The following PPFIBP2 variants were observed in gnomAD, a reference collection of about 807,000 sequenced individuals.
PPFIBP2 encodes the protein PPFIB scaffold protein 2, also known as liprin-beta-2.
Under a neutral mutation model 118.3 loss-of-function variants are expected in PPFIBP2, and 118 were observed. That is an observed-to-expected ratio of 1.00 (90% CI 0.86 to 1.16). PPFIBP2 has a LOEUF of 1.16. Among genes scored for constraint, PPFIBP2 ranks in the 50% most tolerant of loss-of-function variants. The probability of loss-of-function intolerance (pLI) is 0.00; values close to 1 mark genes in which losing one functional copy is unlikely to be tolerated. For synonymous variants in PPFIBP2, 414 were observed against 397.4 expected, an observed-to-expected ratio of 1.04 and a Z score of -0.50; for missense variants, 1,195 against 1,073.1, an observed-to-expected ratio of 1.11 and a Z score of -1.59.
intron 1 of PPFIBP2, among the ~76,000 whole-genome samples, chr11:7,518,108 A>G (rs1367119563): frequency 6.6e-6 from 1 of 152,202 alleles, no homozygotes; most frequent in Non-Finnish European, 1.5e-5. Context: ...CAGGCATTTG[A>G]AACTCTGCCT....
chr11:7,590,723 A>AT (rs1265570551), intron 3 of PPFIBP2, among the ~76,000 whole-genome samples: 1 of 152,218 alleles, frequency 6.6e-6, no homozygotes, highest in African/African-American at 2.4e-5. Context: ...CCTGGACCAT[A>AT]TTATATTAGT....
intron 7 of PPFIBP2, among the ~76,000 whole-genome samples, chr11:7,625,464 C>T (rs878937167): frequency 6.6e-6 from 1 of 152,250 alleles, no homozygotes; most frequent in Admixed American, 6.5e-5. Context: ...TCCCATTGCA[C>T]ACAATCCCAG....
rs1217219578 is a variant in PPFIBP2 at position 7,652,384 on chromosome 11, G to T, written c.2436+540G>T. Among the ~76,000 whole-genome samples the T allele has an allele frequency of 2.6e-5, 4 of 152,356 alleles. No homozygotes were observed. The South Asian group carries it at 8.3e-4, about 32-fold the overall frequency. ...GAATCCCACAAAGCCCTTTAGACCTGCCTGAGCCACAGCATCCTCAGACCA... is the reference window on the plus strand; with the variant it reads ...GAATCCCACAAAGCCCTTTAGACCTTCCTGAGCCACAGCATCCTCAGACCA... On this transcript the variant is annotated intron_variant, in intron 23 of 23. Coordinates refer to ENST00000299492, the MANE Select transcript of PPFIBP2 (RefSeq NM_003621.5).
chr11:7,657,034 G>C (rs146352518), downstream of PPFIBP2: 126 of 337,330 alleles, frequency 3.7e-4, 1 homozygote, highest in African/African-American at 2.6e-3. Context: ...CATACCTTTT[G>C]TACTTTTATA....
chr11:7,529,500 C>A (rs7113264), intron 1 of PPFIBP2, among the ~76,000 whole-genome samples: 67,220 of 151,890 alleles, frequency 0.44, 15,386 homozygotes, highest in African/African-American at 0.54. Context: ...GATACCAGTA[C>A]GGCTCAGCCA....
At chr11:7,551,467 GATTT>G (rs113979514) in intron 2 of PPFIBP2, among the ~76,000 whole-genome samples, 2,033 of 152,206 alleles carry the variant, frequency 0.013, 42 homozygotes, top group African/African-American at 0.047. Context: ...CTGTTTCATG[GATTT>G]ATTTTTTCTT....
intron 5 of PPFIBP2, chr11:7,606,007 G>A (rs1308604663): frequency 3.3e-6 from 5 of 1,535,000 alleles, no homozygotes; most frequent in Non-Finnish European, 4.4e-6. Flanking sequence ...GAGACGGAGT[G>A]CGCCTAAAGT....
In PPFIBP2 at chr11:7,605,860, G is replaced by T. The variant is rs989781607; in HGVS notation, c.487-4431G>T. 2.8e-6 allele frequency: 4 copies of T among 1,451,624 alleles called. No individual in the cohort carries two copies. In the African/African-American group the frequency reaches 5.7e-5, roughly 21 times the overall value. 89.9% of individuals were successfully genotyped at this position (1,451,624 alleles called of 1,614,324 possible). A position where few individuals can be genotyped will look rare whatever the true frequency, so the allele number is the denominator to read the frequency against. ...GCAAACACATTCTGGATACACGTGAGATCCAAGTGGTGACTGTGCTACTGA... is the reference window on the plus strand; with the variant it reads ...GCAAACACATTCTGGATACACGTGATATCCAAGTGGTGACTGTGCTACTGA... On this transcript the variant is annotated intron_variant, in intron 5 of 23. Transcript: ENST00000299492.
intron 5 of PPFIBP2, among the ~76,000 whole-genome samples, chr11:7,598,789 A>T (rs1408817622): frequency 6.8e-6 from 1 of 147,602 alleles, no homozygotes; most frequent in Non-Finnish European, 1.5e-5. Context: ...GTTTCTTGAC[A>T]GCATACTGGT....
intron 14 of PPFIBP2, 47 bp from the exon 15 acceptor site, chr11:7,639,685 G>C: frequency 6.2e-7 from 1 of 1,611,514 alleles, no homozygotes; most frequent in Non-Finnish European, 8.5e-7. Context: ...CCTAACTGAG[G>C]CTGACAGTTA....
Position 7,526,624 on chromosome 11 carries a change from C to T in PPFIBP2, c.-37+12503C>T, listed in dbSNP as rs551073335. 1.1e-4 allele frequency among the ~76,000 whole-genome samples: 16 copies of T among 152,246 alleles called. No individual in the cohort carries two copies. The East Asian group carries it at 2.9e-3, about 28-fold the overall frequency. ...CGGTGGCTCACGCCTGTAATCCCAG[C>T]ACTTTGGGAGGCCGAGGGTGGGCAG... On this transcript the variant is annotated intron_variant, in intron 1 of 23. Coordinates refer to ENST00000299492, the MANE Select transcript of PPFIBP2 (RefSeq NM_003621.5).
At chr11:7,613,971 T>C (rs145796440) in intron 6 of PPFIBP2, among the ~76,000 whole-genome samples, 470 of 152,340 alleles carry the variant, frequency 3.1e-3, no homozygotes, top group Middle Eastern at 6.8e-3. Flanking sequence ...CAAGTGATGA[T>C]GCCATCATTT....
intron 2 of PPFIBP2, among the ~76,000 whole-genome samples, chr11:7,560,602 T>C (rs1315296213): frequency 2.0e-5 from 3 of 152,236 alleles, no homozygotes; most frequent in Non-Finnish European, 4.4e-5. Context: ...CTGAGATTAT[T>C]CTTATATATT....
At chr11:7,520,832 A>T (rs775610671) in intron 1 of PPFIBP2, among the ~76,000 whole-genome samples, 10 of 152,142 alleles carry the variant, frequency 6.6e-5, no homozygotes, top group Non-Finnish European at 1.5e-4. Context: ...CCAATGCTTG[A>T]TGGCACCTAT....
intron 6 of PPFIBP2, 125 bp from the exon 7 acceptor site, chr11:7,620,810 A>T: frequency 1.4e-6 from 1 of 713,216 alleles, no homozygotes; most frequent in Non-Finnish European, 2.5e-6. Flanking sequence ...GTGTTTAAAG[A>T]TTAAAGCTGT....
chr11:7,653,512 A>G lies in PPFIBP2; in HGVS notation c.*294A>G. The G allele has an allele frequency of 7.3e-7, 1 of 1,371,838 alleles. No individual in the cohort carries two copies. 85.0% of individuals were successfully genotyped at this position (1,371,838 alleles called of 1,614,324 possible). ...GATGTTCATCTTCAGCACCAGTGGA[A>G]ACACATGAACTTCGATGCAGGTCCA... On this transcript the variant is annotated 3_prime_UTR_variant, in exon 24 of 24. Transcript: ENST00000299492.
chr11:7,622,700 C>G (rs527530374), intron 7 of PPFIBP2, among the ~76,000 whole-genome samples: 15 of 152,232 alleles, frequency 9.9e-5, no homozygotes, highest in African/African-American at 3.4e-4. Flanking sequence ...GTGTCCTGGC[C>G]TGTGTGTATC....
chr11:7,576,031 C>T (rs554518523), intron 3 of PPFIBP2, among the ~76,000 whole-genome samples: 5 of 152,362 alleles, frequency 3.3e-5, no homozygotes, highest in South Asian at 2.1e-4. Context: ...CCCAGCCTGC[C>T]GGGGACTGTG....
At chr11:7,610,262 C>G (rs1249804770) in intron 5 of PPFIBP2, 29 bp from the exon 6 acceptor site, 1 of 1,609,442 alleles carries the variant, frequency 6.2e-7, no homozygotes, top group Non-Finnish European at 8.5e-7. Context: ...ATAGTGGTTT[C>G]TGATTTCGAG....
Sources: gnomAD v4.1 joint callset for allele counts (sites outside exome capture counted in the v4.1 genomes callset) on GRCh38, gnomAD v4.1.1 for gene constraint, MANE v1.5 for transcripts, NCBI Gene and HGNC (gene_info 2026-07-23, HGNC 2026-07-21) for gene names.